The following RALYL variants were observed in gnomAD, a reference collection of about 807,000 sequenced individuals.
The protein encoded by RALYL is RALY RNA binding protein like, also known as RNA-binding Raly-like protein.
A neutral mutation model predicts 35.1 loss-of-function variants in RALYL; 29 were observed. The observed-to-expected ratio is 0.83, with a 90% CI of 0.61 to 1.13. RALYL has a LOEUF of 1.13. Ranked by LOEUF, RALYL falls within the 50% of genes most tolerant of loss-of-function variation. The probability of loss-of-function intolerance (pLI) is 0.00; values close to 1 mark genes in which losing one functional copy is unlikely to be tolerated. For synonymous variants in RALYL, 120 were observed against 127.6 expected (o/e 0.94, Z 0.40); for missense variants, 359 against 360.4 (o/e 1.00, Z 0.03).
chr8:84,911,418 TTATAAG>T (rs1847492317), intron 8 of RALYL, among the ~76,000 whole-genome samples: 1 of 152,132 alleles, frequency 6.6e-6, no homozygotes, highest in Admixed American at 6.6e-5. Flanking sequence ...TATTAATACT[TTATAAG>T]TATGCAGCTA....
At chr8:84,809,705 C>T (rs1017589181) in intron 4 of RALYL, among the ~76,000 whole-genome samples, 1 of 151,976 alleles carries the variant, frequency 6.6e-6, no homozygotes, top group Non-Finnish European at 1.5e-5. Flanking sequence ...CTGATTTAAG[C>T]CAAGAGGATT....
At chr8:84,557,274 A>G (rs73691005) in intron 2 of RALYL, among the ~76,000 whole-genome samples, 2,391 of 152,310 alleles carry the variant, frequency 0.016, 67 homozygotes, top group African/African-American at 0.055. Flanking sequence ...GAGTTTTTAT[A>G]AATAATCCTG....
intron 1 of RALYL, among the ~76,000 whole-genome samples, chr8:84,226,108 G>T (rs1007101670): frequency 6.6e-6 from 1 of 152,150 alleles, no homozygotes; most frequent in Non-Finnish European, 1.5e-5. Flanking sequence ...TACTGCCTTA[G>T]CTCCATCTCC....
At chr8:84,750,526 T>C (rs1809725673) in intron 2 of RALYL, among the ~76,000 whole-genome samples, 1 of 152,180 alleles carries the variant, frequency 6.6e-6, no homozygotes, top group Non-Finnish European at 1.5e-5. Context: ...TTTGAATATT[T>C]GCCCCCTTCT....
intron 8 of RALYL, among the ~76,000 whole-genome samples, chr8:84,911,437 G>A (rs931852844): frequency 9.9e-5 from 15 of 152,200 alleles, no homozygotes; most frequent in African/African-American, 3.6e-4. Context: ...TGCAGCTATT[G>A]ATAGAGCATA....
At chr8:84,841,150 C>G (rs1220067158) in intron 4 of RALYL, among the ~76,000 whole-genome samples, 1 of 152,068 alleles carries the variant, frequency 6.6e-6, no homozygotes, top group East Asian at 1.9e-4. Flanking sequence ...GCTAAATGCT[C>G]CAATTAAAAG....
intron 4 of RALYL, among the ~76,000 whole-genome samples, chr8:84,818,613 A>AAAT (rs1360012855): frequency 6.6e-6 from 1 of 152,176 alleles, no homozygotes; most frequent in Non-Finnish European, 1.5e-5. Flanking sequence ...CTGTATTGAG[A>AAAT]AATTATCCTA....
chr8:84,900,443 G>A (rs999588555), intron 8 of RALYL, among the ~76,000 whole-genome samples: 18 of 152,246 alleles, frequency 1.2e-4, no homozygotes, highest in African/African-American at 3.4e-4. Context: ...TTGGAAGGCC[G>A]AGGCAGGCAG....
chr8:84,231,189 G>A (rs956257861), intron 1 of RALYL, among the ~76,000 whole-genome samples: 2 of 152,198 alleles, frequency 1.3e-5, no homozygotes, highest in Non-Finnish European at 2.9e-5. Flanking sequence ...TTTCTAAGAA[G>A]TGATGCTTGA....
chr8:84,871,584 T>C (rs2072503697), intron 6 of RALYL, among the ~76,000 whole-genome samples: 1 of 152,214 alleles, frequency 6.6e-6, no homozygotes, highest in South Asian at 2.1e-4. Flanking sequence ...GTTTTTCAAA[T>C]TTAGCTGCAA....
chr8:84,211,119 T>C (rs1369714213), intron 1 of RALYL, among the ~76,000 whole-genome samples: 1 of 152,246 alleles, frequency 6.6e-6, no homozygotes, highest in East Asian at 1.9e-4. Context: ...ATCCCCATTT[T>C]ACAGATGGAA....
At chr8:84,265,586 C>A (rs887598199) in intron 1 of RALYL, among the ~76,000 whole-genome samples, 2 of 151,656 alleles carry the variant, frequency 1.3e-5, no homozygotes, top group Admixed American at 6.6e-5. Flanking sequence ...TAGAGCCACC[C>A]GAAAGGAACA....
At chr8:84,804,051 T>C (rs1263733996) in intron 3 of RALYL, among the ~76,000 whole-genome samples, 3 of 152,164 alleles carry the variant, frequency 2.0e-5, no homozygotes, top group Admixed American at 6.5e-5. Flanking sequence ...CTGATTTACT[T>C]ACATGTTGTA....
intron 1 of RALYL, among the ~76,000 whole-genome samples, chr8:84,426,603 G>T (rs576435872): frequency 6.6e-6 from 1 of 152,078 alleles, no homozygotes; most frequent in South Asian, 2.1e-4. Context: ...TCCTTTTTTA[G>T]TGGCAACTCA....
intron 2 of RALYL, among the ~76,000 whole-genome samples, chr8:84,624,445 A>G (rs1822279404): frequency 6.6e-6 from 1 of 152,114 alleles, no homozygotes; most frequent in Non-Finnish European, 1.5e-5. Flanking sequence ...TCCTTGGCGC[A>G]TGGCCCCCTT....
At chr8:84,720,315 G>T (rs749459976) in intron 2 of RALYL, among the ~76,000 whole-genome samples, 3 of 152,010 alleles carry the variant, frequency 2.0e-5, no homozygotes. Flanking sequence ...TAGACACATA[G>T]ACAAATAGAA....
chr8:84,505,489 T>G (rs1368354978), intron 1 of RALYL, among the ~76,000 whole-genome samples: 2 of 151,838 alleles, frequency 1.3e-5, no homozygotes, highest in African/African-American at 4.8e-5. Flanking sequence ...GTTAAAAATA[T>G]TTAGAGGAAA....
At chr8:84,313,153 T>G (rs570558685) in intron 1 of RALYL, among the ~76,000 whole-genome samples, 3 of 152,300 alleles carry the variant, frequency 2.0e-5, no homozygotes, top group East Asian at 3.9e-4. Flanking sequence ...TTGGCCTCCT[T>G]TAGCCATGGC....
intron 2 of RALYL, chr8:84,679,707 A>G (rs1381140166): frequency 1.9e-6 from 1 of 516,794 alleles, no homozygotes; most frequent in Non-Finnish European, 3.9e-6. Flanking sequence ...GATGGCTTTG[A>G]CCCTCAAGGC....
Sources: allele counts gnomAD v4.1 joint callset (sites outside exome capture counted in the v4.1 genomes callset), GRCh38; gene constraint gnomAD v4.1.1; transcripts MANE v1.5; gene names NCBI Gene and HGNC (gene_info 2026-07-23, HGNC 2026-07-21).